PDZRN4: variants seen among roughly 807,000 people sequenced by gnomAD.
The protein encoded by PDZRN4 is PDZ domain-containing RING finger protein 4.
In PDZRN4, 70 loss-of-function variants were observed where a neutral mutation model predicts 99.0. That is an observed-to-expected ratio of 0.71 (90% CI 0.58 to 0.86). The LOEUF (loss-of-function observed/expected upper bound fraction) is 0.86. Ranked by LOEUF, PDZRN4 falls within the 40% of genes least tolerant of loss-of-function variation. PDZRN4 has a pLI of 0.00. For missense variants in PDZRN4, 1,474 were observed against 1,331.2 expected, an observed-to-expected ratio of 1.11 and a Z score of -1.67; for synonymous variants, 551 against 501.6, an observed-to-expected ratio of 1.10 and a Z score of -1.32.
intron 3 of PDZRN4, among the ~76,000 whole-genome samples, chr12:41,227,055 G>C (rs1446939162): frequency 6.6e-6 from 1 of 152,074 alleles, no homozygotes; most frequent in Non-Finnish European, 1.5e-5. Context: ...CAAATTGGTA[G>C]AGTTATTCAA....
At chr12:41,223,751 C>T (rs1252277038) in intron 3 of PDZRN4, among the ~76,000 whole-genome samples, 1 of 152,120 alleles carries the variant, frequency 6.6e-6, no homozygotes, top group African/African-American at 2.4e-5. Flanking sequence ...GCTCCTCAGC[C>T]CCATTTTCTC....
chr12:41,546,653 C>T (rs1938958166), intron 5 of PDZRN4, among the ~76,000 whole-genome samples: 1 of 151,256 alleles, frequency 6.6e-6, no homozygotes, highest in Non-Finnish European at 1.5e-5. Flanking sequence ...TTTTAAAAGC[C>T]AAAAAAAAGA....
At chr12:41,270,713 G>A (rs1045069614) in intron 3 of PDZRN4, among the ~76,000 whole-genome samples, 1 of 152,096 alleles carries the variant, frequency 6.6e-6, no homozygotes, top group Non-Finnish European at 1.5e-5. Context: ...TAACAGGATA[G>A]AGATGCAGCC....
intron 3 of PDZRN4, among the ~76,000 whole-genome samples, chr12:41,476,822 G>A (rs911691638): frequency 6.6e-6 from 1 of 152,186 alleles, no homozygotes. Flanking sequence ...GTGGAAGCTG[G>A]AAAGCAGTCC....
In PDZRN4 at chr12:41,389,192, C is replaced by A. The variant is rs1053670851; in HGVS notation, c.844-117264C>A. 3.3e-5 allele frequency among the ~76,000 whole-genome samples: 5 copies of A among 151,972 alleles called. No homozygotes were observed. The South Asian group carries it at 1.0e-3, about 32-fold the overall frequency. On this transcript the variant is annotated intron_variant, in intron 3 of 9. Coordinates refer to ENST00000402685, the MANE Select transcript of PDZRN4 (RefSeq NM_001164595.2). ...GCTTAGATCTAAAATGGAGTGTACT[C>A]GAAAGGCCCATGATAAGATATAAAA...
intron 4 of PDZRN4, among the ~76,000 whole-genome samples, chr12:41,507,777 T>C (rs1299915673): frequency 1.3e-5 from 2 of 152,140 alleles, no homozygotes; most frequent in African/African-American, 4.8e-5. Context: ...GGGGATCTGT[T>C]TGTCTTGGGT....
chr12:41,436,043 T>A (rs540292509), intron 3 of PDZRN4, among the ~76,000 whole-genome samples: 11 of 152,296 alleles, frequency 7.2e-5, no homozygotes, highest in African/African-American at 2.6e-4. Flanking sequence ...GTGGCCACCA[T>A]GAATTTTTAT....
chr12:41,281,783 GA>G (rs1317941195), intron 3 of PDZRN4, among the ~76,000 whole-genome samples: 2 of 152,170 alleles, frequency 1.3e-5, no homozygotes, highest in Non-Finnish European at 2.9e-5. Context: ...AACCAAGCTG[GA>G]AAACACAGTT....
chr12:41,517,236 T>A (rs2054211), intron 5 of PDZRN4, among the ~76,000 whole-genome samples: 21,149 of 152,108 alleles, frequency 0.14, 1,940 homozygotes, highest in Non-Finnish European at 0.2. Context: ...CAGGTAAGCA[T>A]GGGCACATTT....
chr12:41,505,376 G>A (rs936530395), intron 3 of PDZRN4, among the ~76,000 whole-genome samples: 12 of 152,118 alleles, frequency 7.9e-5, no homozygotes, highest in South Asian at 4.2e-4. Context: ...TGGGGCGAGA[G>A]TCATAAAGCT....
At chr12:41,440,379 C>G (rs1393586378) in intron 3 of PDZRN4, among the ~76,000 whole-genome samples, 2 of 152,052 alleles carry the variant, frequency 1.3e-5, no homozygotes, top group African/African-American at 2.4e-5. Context: ...ATAATAGAAT[C>G]ATTATGATAT....
At chr12:41,270,285 T>TGG (rs1951305715) in intron 3 of PDZRN4, among the ~76,000 whole-genome samples, 1 of 96,132 alleles carries the variant, frequency 1.0e-5, no homozygotes, top group Non-Finnish European at 2.4e-5. Flanking sequence ...TCTGTGTGTG[T>TGG]GGTGTGTGTG....
At chr12:41,540,429 G>C (rs1398638054) in intron 5 of PDZRN4, among the ~76,000 whole-genome samples, 2 of 152,020 alleles carry the variant, frequency 1.3e-5, no homozygotes, top group East Asian at 3.9e-4. Flanking sequence ...TAATATAAAA[G>C]GATTTCTTTC....
At chr12:41,206,241 G>T (rs1423011376) in intron 3 of PDZRN4, among the ~76,000 whole-genome samples, 3 of 152,034 alleles carry the variant, frequency 2.0e-5, no homozygotes, top group South Asian at 2.1e-4. Context: ...TAAATGTTTA[G>T]CTTTAGTCAT....
intron 7 of PDZRN4, among the ~76,000 whole-genome samples, chr12:41,557,563 G>A (rs2120817022): frequency 6.6e-6 from 1 of 152,222 alleles, no homozygotes; most frequent in South Asian, 2.1e-4. Context: ...TGCCTGCGTG[G>A]CCTGGGCACA....
intron 7 of PDZRN4, among the ~76,000 whole-genome samples, chr12:41,561,226 G>A (rs1939263845): frequency 1.3e-5 from 2 of 152,080 alleles, no homozygotes; most frequent in Admixed American, 6.6e-5. Flanking sequence ...TTACTACTAT[G>A]CATTTAATAA....
intron 3 of PDZRN4, among the ~76,000 whole-genome samples, chr12:41,441,678 G>T (rs1239825943): frequency 6.6e-6 from 1 of 152,068 alleles, no homozygotes; most frequent in Non-Finnish European, 1.5e-5. Context: ...TCTGGGTGCT[G>T]TCCCAGATCT....
chr12:41,216,079 T>C (rs1950919315), intron 3 of PDZRN4, among the ~76,000 whole-genome samples: 1 of 151,972 alleles, frequency 6.6e-6, no homozygotes, highest in African/African-American at 2.4e-5. Flanking sequence ...GTCTCAGTGA[T>C]ACTAGTTAGC....
intron 5 of PDZRN4, among the ~76,000 whole-genome samples, chr12:41,539,505 T>C (rs1938811019): frequency 6.6e-6 from 1 of 152,046 alleles, no homozygotes; most frequent in Admixed American, 6.6e-5. Context: ...TTGACAGCCT[T>C]AAGTCTTGTA....
Sources: allele counts gnomAD v4.1 joint callset (sites outside exome capture counted in the v4.1 genomes callset), GRCh38; gene constraint gnomAD v4.1.1; transcripts MANE v1.5; gene names NCBI Gene and HGNC (gene_info 2026-07-23, HGNC 2026-07-21).